Variants in LITAF observed in about 807,000 individuals in gnomAD.
LITAF encodes lipopolysaccharide-induced tumor necrosis factor-alpha factor.
Under a neutral mutation model 14.5 loss-of-function variants are expected in LITAF, and 9 were observed. The observed-to-expected ratio is 0.62, with a 90% CI of 0.37 to 1.08. The LOEUF (loss-of-function observed/expected upper bound fraction) is 1.08. Among genes scored for constraint, LITAF ranks in the 50% least tolerant of loss-of-function variants. The pLI is 0.01. For synonymous variants in LITAF, 98 were observed against 88.2 expected, an observed-to-expected ratio of 1.11 and a Z score of -0.62; for missense variants, 206 against 213.4, an observed-to-expected ratio of 0.97 and a Z score of 0.22.
intron 3 of LITAF, chr16:11,551,782 C>T (rs1434673897): frequency 5.9e-6 from 4 of 677,912 alleles, no homozygotes; most frequent in East Asian, 2.8e-5. Flanking sequence ...CGGAGAGCTA[C>T]GATCGTACCA....
chr16:11,606,256 C>A (rs1040241042), intron 3 of LITAF, among the ~76,000 whole-genome samples: 3 of 151,904 alleles, frequency 2.0e-5, no homozygotes, highest in Admixed American at 6.6e-5. Context: ...TCAACCTCCA[C>A]CTCCCAGATT....
At chr16:11,608,166 C>T (rs1237757402) in intron 3 of LITAF, among the ~76,000 whole-genome samples, 2 of 152,196 alleles carry the variant, frequency 1.3e-5, no homozygotes, top group African/African-American at 2.4e-5. Flanking sequence ...TAGATCCTTG[C>T]GTCACAGATA....
At chr16:11,636,345 C>G (rs1223237269) in exon 1 of LITAF, 2 of 152,176 alleles carry the variant, frequency 1.3e-5, no homozygotes, top group Non-Finnish European at 2.9e-5. Flanking sequence ...GCGCTCTCTG[C>G]GAAGAAAGGG....
upstream of LITAF, among the ~76,000 whole-genome samples, chr16:11,603,246 C>T (rs752265580): frequency 5.9e-5 from 9 of 152,156 alleles, no homozygotes; most frequent in Non-Finnish European, 1.2e-4. Flanking sequence ...AAACAATCAG[C>T]GTGTATTGCT....
chr16:11,620,385 G>A (rs920862910), intron 3 of LITAF, among the ~76,000 whole-genome samples: 1 of 152,010 alleles, frequency 6.6e-6, no homozygotes, highest in Non-Finnish European at 1.5e-5. Context: ...TCTTGCTCCT[G>A]TTTTCGCCGT....
At position 11,586,710 on chromosome 16, in the gene LITAF, G is replaced by A. The variant is rs1597360982; in HGVS notation, c.-6+176C>T. Among the ~76,000 whole-genome samples, 1 of 151,368 alleles carries A rather than the reference G, an allele frequency of 6.6e-6. No homozygotes were observed. The highest frequency in any genetic ancestry group is 2.1e-4 in the South Asian group (1 of 4,828). On this transcript the variant is annotated intron_variant, in intron 1 of 3. Transcript: ENST00000622633. This position sits in a 1 kb window ranked among gnomAD's most constrained non-coding sequence, Gnocchi z 6.5. ...GGGAGGCCGGACCCCGCCCCGGCCG[G>A]GCCCCCACGCCCTCCGCCGCGCCTC... is the stretch of plus-strand genomic sequence containing the variant.
upstream of LITAF, chr16:11,636,382 C>T (rs2065138397): frequency 2.6e-5 from 4 of 152,252 alleles, no homozygotes; most frequent in Admixed American, 2.0e-4. Context: ...GTTACTGCTT[C>T]CGCAGTGGAA....
At chr16:11,628,226 C>G (rs1169695859) in intron 3 of LITAF, among the ~76,000 whole-genome samples, 1 of 152,166 alleles carries the variant, frequency 6.6e-6, no homozygotes, top group Non-Finnish European at 1.5e-5. Context: ...CATCCCAGCC[C>G]CAACCAGCCC....
At chr16:11,623,657 C>T (rs1292129723) in intron 3 of LITAF, among the ~76,000 whole-genome samples, 1 of 144,834 alleles carries the variant, frequency 6.9e-6, no homozygotes, top group African/African-American at 2.6e-5. Flanking sequence ...GAAACTTTGT[C>T]TCAAAAAAAA....
intron 3 of LITAF, among the ~76,000 whole-genome samples, chr16:11,552,148 G>T (rs1367345845): frequency 2.0e-5 from 3 of 152,296 alleles, no homozygotes; most frequent in Middle Eastern, 3.4e-3. Context: ...AGGACAATGT[G>T]GAGGAACGTG....
intron 3 of LITAF, among the ~76,000 whole-genome samples, chr16:11,621,133 C>T (rs1330036571): frequency 1.3e-5 from 2 of 151,980 alleles, no homozygotes; most frequent in Non-Finnish European, 2.9e-5. Context: ...TGCGCGATCT[C>T]GGCTCACCGC....
chr16:11,591,648 CTT>C (rs948686478), upstream of LITAF, among the ~76,000 whole-genome samples: 1 of 149,732 alleles, frequency 6.7e-6, no homozygotes, highest in Non-Finnish European at 1.5e-5. Context: ...GAGAAAGAGT[CTT>C]TTTTTTTTGA....
chr16:11,548,111 G>T lies in LITAF; in HGVS notation c.*1526C>A, dbSNP rs1441863582. The T allele has an allele frequency of 8.8e-6, 4 of 453,992 alleles. No individual in the cohort carries two copies. The highest frequency in any genetic ancestry group is 8.0e-5 in the African/African-American group (4 of 50,002). 28.1% of individuals were successfully genotyped at this position (453,992 alleles called of 1,614,324 possible). A position where few individuals can be genotyped will look rare whatever the true frequency, so the allele number is the denominator to read the frequency against. ...TACTGGAATTTTCCAAACATCAAAT[G>T]AAGGGGGATCAATGGTTACCACTAT... On this transcript the variant is annotated 3_prime_UTR_variant, in exon 4 of 4. Transcript: ENST00000622633.
chr16:11,629,372 G>A (rs925770890), intron 3 of LITAF, among the ~76,000 whole-genome samples: 3 of 152,240 alleles, frequency 2.0e-5, no homozygotes, highest in African/African-American at 7.2e-5. Flanking sequence ...GAAGAGGGGA[G>A]TAAGGAGACA....
At position 11,627,931 on chromosome 16, in the gene LITAF, C is replaced by G. The variant is rs1238609587; in HGVS notation, c.85+5602G>C. Among the ~76,000 whole-genome samples the G allele has an allele frequency of 4.8e-5, 7 of 146,030 alleles. No individual in the cohort carries two copies. The South Asian group carries it at 1.6e-3, about 33-fold the overall frequency. Reference sequence around the variant, plus strand: ...ACTCGGGAGGCCGAGGCAGGAAAATCATTTGAACCCAGGAGGCGGAGGTTG... The same window carrying G: ...ACTCGGGAGGCCGAGGCAGGAAAATGATTTGAACCCAGGAGGCGGAGGTTG... On this transcript the variant is annotated intron_variant, in intron 3 of 3. Coordinates refer to the LITAF transcript ENST00000574848.
At chr16:11,615,776 G>A (rs1188966433) in intron 3 of LITAF, among the ~76,000 whole-genome samples, 2 of 152,184 alleles carry the variant, frequency 1.3e-5, no homozygotes, top group Non-Finnish European at 2.9e-5. Context: ...ACTGGTTCCT[G>A]GCACAGAGCT....
upstream of LITAF, among the ~76,000 whole-genome samples, chr16:11,637,897 ACTATAT>A (rs1269919697): frequency 7.5e-5 from 3 of 39,870 alleles, no homozygotes; most frequent in African/African-American, 1.4e-4. Context: ...AAAAAAAAAA[ACTATAT>A]ATATATATAT....
chr16:11,628,923 G>A (rs1597376894), intron 3 of LITAF, among the ~76,000 whole-genome samples: 1 of 152,172 alleles, frequency 6.6e-6, no homozygotes, highest in Non-Finnish European at 1.5e-5. Flanking sequence ...TGATCTGCCC[G>A]CCTTGGCCTC....
chr16:11,553,452 T>A lies in LITAF; in HGVS notation c.377+81A>T. The A allele has an allele frequency of 1.4e-6, 2 of 1,420,460 alleles. No individual in the cohort carries two copies. The highest frequency in any genetic ancestry group is 3.5e-5 in the Admixed American group (2 of 56,940). The allele number at this position is 1,420,460 out of a possible 1,614,324, so 88.0% of individuals were successfully genotyped here. On this transcript the variant is annotated intron_variant, in intron 3 of 3. Coordinates refer to ENST00000622633, the MANE Select transcript of LITAF (RefSeq NM_001136472.2). This position sits in a 1 kb window ranked among gnomAD's most constrained non-coding sequence, Gnocchi z 7.7. ...AATGTCTGGCCCTGAATGTCAAGCA[T>A]GGTGCAGTTGAGAACCCACCCCCGC...
Sources: gnomAD v4.1 joint callset for allele counts (sites outside exome capture counted in the v4.1 genomes callset) on GRCh38, gnomAD v4.1.1 for gene constraint, Gnocchi (gnomAD v3.1) non-coding constraint, MANE v1.5 for transcripts, NCBI Gene and HGNC (gene_info 2026-07-23, HGNC 2026-07-21) for gene names.